The following ODR4 variants were observed in gnomAD, a reference collection of about 807,000 sequenced individuals.
ODR4 encodes protein odr-4 homolog.
In ODR4, 47 loss-of-function variants were observed where a neutral mutation model predicts 60.2. That is an observed-to-expected ratio of 0.78 (90% CI 0.62 to 1.00). The LOEUF is 1.00. Ranked by LOEUF, ODR4 falls within the 50% of genes least tolerant of loss-of-function variation. The pLI is 0.00. For missense variants in ODR4, 488 were observed against 530.8 expected (o/e 0.92, Z 0.79); for synonymous variants, 178 against 175.5 (o/e 1.01, Z -0.11).
At chr1:186,398,229 A>T (rs1660774547) in intron 9 of ODR4, 84 bp from the exon 10 acceptor site, 1 of 1,265,586 alleles carries the variant, frequency 7.9e-7, no homozygotes, top group Non-Finnish European at 1.0e-6. Context: ...TTCTCTCTTC[A>T]TAAAATCGCT....
At chr1:186,434,284 T>C in the ODR4 span, among the ~76,000 whole-genome samples, 1 of 152,338 alleles carries the variant, frequency 6.6e-6, no homozygotes, top group African/African-American at 2.4e-5. Context: ...TACATCTTGC[T>C]TTTCTGTATC....
intron 4 of ODR4, among the ~76,000 whole-genome samples, chr1:186,387,136 C>T (rs2102027728): frequency 6.6e-6 from 1 of 152,314 alleles, no homozygotes; most frequent in South Asian, 2.1e-4. Context: ...CAGCTGAGAA[C>T]TTCAGATGTT....
At chr1:186,411,950 C>A in intron 12 of ODR4, 1 of 391,852 alleles carries the variant, frequency 2.6e-6, no homozygotes, top group Non-Finnish European at 3.5e-6. Context: ...TGATATTACA[C>A]ATTTTTCTAA....
chr1:186,425,431 A>T (rs548041241), downstream of ODR4, among the ~76,000 whole-genome samples: 2 of 152,314 alleles, frequency 1.3e-5, no homozygotes, highest in South Asian at 2.1e-4. Flanking sequence ...CACAGAATGT[A>T]TGTCAATTAG....
At chr1:186,388,761 G>A (rs1660344969) in intron 5 of ODR4, among the ~76,000 whole-genome samples, 1 of 152,172 alleles carries the variant, frequency 6.6e-6, no homozygotes, top group African/African-American at 2.4e-5. Flanking sequence ...CTTGAGATCT[G>A]TAATATGAAA....
the ODR4 span, among the ~76,000 whole-genome samples, chr1:186,429,078 A>G: frequency 6.8e-4 from 104 of 152,254 alleles, 1 homozygote; most frequent in Middle Eastern, 0.017. Flanking sequence ...TACAAAAAGA[A>G]AAACAACAAC....
intron 9 of ODR4, 28 bp from the exon 10 acceptor site, chr1:186,398,285 T>G: frequency 1.3e-6 from 2 of 1,541,246 alleles, no homozygotes; most frequent in Non-Finnish European, 1.8e-6. Context: ...TGTTGGTTAT[T>G]AGAACTTAAA....
At chr1:186,425,463 G>A (rs1429892558), downstream of ODR4, among the ~76,000 whole-genome samples, 1 of 152,144 alleles carries the variant, frequency 6.6e-6, no homozygotes, top group Non-Finnish European at 1.5e-5. Context: ...ACCTGAGAGT[G>A]GTTCTCAACT....
At chr1:186,402,400 C>T (rs544759879) in intron 11 of ODR4, among the ~76,000 whole-genome samples, 72 of 148,796 alleles carry the variant, frequency 4.8e-4, no homozygotes, top group Middle Eastern at 3.4e-3. Context: ...TTCCTTTCTT[C>T]CTTCTTTTTT....
intron 12 of ODR4, among the ~76,000 whole-genome samples, chr1:186,412,771 T>G (rs1343912124): frequency 6.6e-6 from 1 of 152,096 alleles, no homozygotes; most frequent in Non-Finnish European, 1.5e-5. Flanking sequence ...GAGTCCTAGA[T>G]TCTCTTGGGG....
At position 186,405,043 on chromosome 1, in the gene ODR4, G is replaced by A. The variant is rs1571691107; in HGVS notation, c.1001-1040G>A. On this transcript the variant is annotated intron_variant, in intron 11 of 13. Coordinates refer to ENST00000287859, the MANE Select transcript of ODR4 (RefSeq NM_017847.6). ...ATATTCCAGTTTGTAAGTATTCACA[G>A]AAGAATGAGATATTTGTTATTTATT... Among the ~76,000 whole-genome samples the A allele has an allele frequency of 2.0e-5, 3 of 152,086 alleles. No individual in the cohort carries two copies. In the South Asian group the frequency reaches 6.4e-4, roughly 32 times the overall value.
In ODR4 at chr1:186,382,059, C is replaced by A. The variant is rs141205032; in HGVS notation, c.100-963C>A. ...GTGAAACTGAGCTATTGAATGTTCC[C>A]CTACATTTATTTTTAGATCTCCCAA... On this transcript the variant is annotated intron_variant, in intron 2 of 13. Coordinates refer to ENST00000287859, the MANE Select transcript of ODR4 (RefSeq NM_017847.6). Among the ~76,000 whole-genome samples, 22 of 151,908 alleles carry A rather than the reference C, an allele frequency of 1.4e-4. No individual in the cohort carries two copies. The East Asian group carries it at 4.1e-3, about 28-fold the overall frequency.
At position 186,388,339 on chromosome 1, in the gene ODR4, T is replaced by G. The variant is rs190262142; in HGVS notation, c.331-103T>G. The G allele has an allele frequency of 7.6e-4, 478 of 626,200 alleles. 3 individuals are homozygous for G. The highest frequency in any genetic ancestry group is 6.2e-3 in the Middle Eastern group (14 of 2,242). 38.8% of individuals were successfully genotyped at this position (626,200 alleles called of 1,614,324 possible). ...TCCAATAAATAAAGAATCATGGAAT[T>G]TTAAAGCTAAATGAGAGTTGGGGAC... On this transcript the variant is annotated intron_variant, in intron 4 of 13. Transcript: ENST00000287859.
downstream of ODR4, among the ~76,000 whole-genome samples, chr1:186,422,360 C>T (rs550074517): frequency 3.9e-5 from 6 of 152,022 alleles, no homozygotes; most frequent in South Asian, 8.3e-4. Flanking sequence ...AGGGCTGAAG[C>T]AACAAAATGA....
chr1:186,388,362 G>A lies in ODR4; in HGVS notation c.331-80G>A. On this transcript the variant is annotated intron_variant, in intron 4 of 13. Coordinates refer to ENST00000287859, the MANE Select transcript of ODR4 (RefSeq NM_017847.6). Reference sequence around the variant, plus strand: ...ATTTTAAAGCTAAATGAGAGTTGGGGACATTATAATTGCCTATTTCAACAC... The same window carrying A: ...ATTTTAAAGCTAAATGAGAGTTGGGAACATTATAATTGCCTATTTCAACAC... 1.3e-5 allele frequency: 9 copies of A among 708,062 alleles called. No homozygotes were observed. In the South Asian group the frequency reaches 1.9e-4, roughly 15 times the overall value. 43.9% of individuals were successfully genotyped at this position (708,062 alleles called of 1,614,324 possible). A position where few individuals can be genotyped will look rare whatever the true frequency, so the allele number is the denominator to read the frequency against.
chr1:186,430,131 CTT>C, the ODR4 span, among the ~76,000 whole-genome samples: 40 of 152,030 alleles, frequency 2.6e-4, 2 homozygotes, highest in East Asian at 4.1e-3. Flanking sequence ...TAGAAATAGA[CTT>C]TGATTATTAT....
intron 2 of ODR4, among the ~76,000 whole-genome samples, chr1:186,382,401 GGCATTAGA>G (rs998003865): frequency 1.1e-4 from 17 of 151,978 alleles, no homozygotes; most frequent in African/African-American, 3.9e-4. Flanking sequence ...CTCCAGCCTG[GGCATTAGA>G]GCAAGACCCT....
intron 1 of ODR4, among the ~76,000 whole-genome samples, chr1:186,377,754 G>T (rs1379256839): frequency 6.6e-6 from 1 of 152,116 alleles, no homozygotes; most frequent in Non-Finnish European, 1.5e-5. Flanking sequence ...TGTCAAAAAA[G>T]AGCTAGGAAG....
rs544635250 is a variant in ODR4, at chr1:186,420,173, C to G, written c.*1097C>G. ...AATGAACGCATTTTAAGTTAGGAGT[C>G]ATGAATACTGTATTGACCATACAAG... On this transcript the variant is annotated 3_prime_UTR_variant, in exon 14 of 14. Coordinates refer to ENST00000287859, the MANE Select transcript of ODR4 (RefSeq NM_017847.6). 2 of 152,304 alleles carry G rather than the reference C, an allele frequency of 1.3e-5. No individual in the cohort carries two copies. Among genetic ancestry groups the G allele is most frequent in the Admixed American group, 1.3e-4 (2 of 15,298 alleles). 9.4% of individuals were successfully genotyped at this position (152,304 alleles called of 1,614,324 possible).
Sources: allele counts gnomAD v4.1 joint callset (sites outside exome capture counted in the v4.1 genomes callset), GRCh38; gene constraint gnomAD v4.1.1; transcripts MANE v1.5; gene names NCBI Gene and HGNC (gene_info 2026-07-23, HGNC 2026-07-21).